CYP4X1: variants seen among roughly 807,000 people sequenced by gnomAD.
CYP4X1 encodes the protein cytochrome P450 family 4 subfamily X member 1.
Under a neutral mutation model 57.9 loss-of-function variants are expected in CYP4X1, and 44 were observed. The observed-to-expected ratio is 0.76, with a 90% confidence interval of 0.60 to 0.98. The LOEUF is 0.98. Among genes scored for constraint, CYP4X1 ranks in the 50% least tolerant of loss-of-function variants. CYP4X1 has a pLI of 0.00. For synonymous variants in CYP4X1, 227 were observed against 228.6 expected, an observed-to-expected ratio of 0.99 and a Z score of 0.06; for missense variants, 532 against 623.9, an observed-to-expected ratio of 0.85 and a Z score of 1.57.
chr1:47,016,400 G>A, the CYP4X1 span, among the ~76,000 whole-genome samples: 1 of 150,342 alleles, frequency 6.7e-6, no homozygotes, highest in South Asian at 2.1e-4. Context: ...GCAGTGCAGT[G>A]GCGCTATCTT....
At chr1:46,967,829 C>G in the CYP4X1 span, 33 of 1,297,976 alleles carry the variant, frequency 2.5e-5, no homozygotes, top group Non-Finnish European at 3.0e-5. Context: ...GCCATGGCCA[C>G]CTTTAGCTCA....
the CYP4X1 span, among the ~76,000 whole-genome samples, chr1:46,988,928 T>C: frequency 1.6e-4 from 25 of 152,110 alleles, 1 homozygote; most frequent in South Asian, 5.0e-3. Flanking sequence ...TTATGACAAA[T>C]CCACGCCAAT....
the CYP4X1 span, among the ~76,000 whole-genome samples, chr1:46,991,021 A>T: frequency 2.0e-5 from 3 of 151,630 alleles, no homozygotes; most frequent in African/African-American, 7.3e-5. Context: ...CACGTTCTGC[A>T]CATGTATCCC....
At chr1:47,014,908 T>C in the CYP4X1 span, among the ~76,000 whole-genome samples, 3 of 152,208 alleles carry the variant, frequency 2.0e-5, no homozygotes, top group Admixed American at 2.0e-4. Flanking sequence ...ACAGGTCGTA[T>C]AGCCCACAGG....
chr1:46,974,347 CGTAG>C, the CYP4X1 span, among the ~76,000 whole-genome samples: 1 of 151,790 alleles, frequency 6.6e-6, no homozygotes, highest in Non-Finnish European at 1.5e-5. Context: ...TATGACCAAG[CGTAG>C]GGTCCATTTT....
At chr1:47,007,233 C>A in the CYP4X1 span, among the ~76,000 whole-genome samples, 3 of 152,178 alleles carry the variant, frequency 2.0e-5, no homozygotes, top group Non-Finnish European at 4.4e-5. Flanking sequence ...ACAAAATTTC[C>A]AGGCAAACGA....
chr1:46,961,755 T>C, the CYP4X1 span: 1 of 1,312,384 alleles, frequency 7.6e-7, no homozygotes, highest in South Asian at 1.2e-5. Flanking sequence ...TCCAGTGGAT[T>C]GGTGAGTAAG....
chr1:47,017,848 TA>T, the CYP4X1 span, among the ~76,000 whole-genome samples: 1 of 152,170 alleles, frequency 6.6e-6, no homozygotes, highest in Non-Finnish European at 1.5e-5. Context: ...CATGTCTCAC[TA>T]AAATGTATAA....
downstream of CYP4X1, among the ~76,000 whole-genome samples, chr1:47,053,884 T>C (rs1406592273): frequency 6.6e-6 from 1 of 152,214 alleles, no homozygotes; most frequent in African/African-American, 2.4e-5. Context: ...TTCAGTGTGA[T>C]GGTAGTTTGT....
chr1:47,024,002 G>T lies in CYP4X1; in HGVS notation c.177+8G>T. 1.2e-6 allele frequency: 2 copies of T among 1,607,300 alleles called. No homozygotes were observed. Among genetic ancestry groups the T allele is most frequent in the Non-Finnish European group, 1.7e-6 (2 of 1,176,366 alleles). ...TTCCTTGGGCACCAGAAGGTAGATG[G>T]GAGGGAGGAGGGAGGAAGGAGGAGG... On this transcript the variant is annotated splice_region_variant and intron_variant, in intron 1 of 11. Coordinates refer to ENST00000371901, the MANE Select transcript of CYP4X1 (RefSeq NM_178033.2).
chr1:47,052,672 T>C (rs1303675618), downstream of CYP4X1, among the ~76,000 whole-genome samples: 6 of 152,208 alleles, frequency 3.9e-5, no homozygotes, highest in Non-Finnish European at 7.3e-5. Flanking sequence ...TTCAATCAGA[T>C]TATCTCACTG....
chr1:47,033,359 A>G lies in CYP4X1; in HGVS notation c.483A>G (p.Lys161=), dbSNP rs774449172. 1 of 1,613,740 alleles carries G rather than the reference A, an allele frequency of 6.2e-7. No individual in the cohort carries two copies. Among genetic ancestry groups the G allele is most frequent in the South Asian group, 1.1e-5 (1 of 91,046 alleles). The change falls in exon 4 of 12, where the codon AAA becomes AAG. Residue 161 remains lysine, a synonymous_variant. Transcript: ENST00000371901. ...TTGAGGTGATGGCTCATTCTGTGAA[A>G]ATGATGCTGGTAAGTAAAGGGGGAA... is the stretch of plus-strand genomic sequence containing the variant. The part of the protein sequence containing the change: ...AYIEVMAHSV[K]MMLDKWEKIC...
downstream of CYP4X1, among the ~76,000 whole-genome samples, chr1:47,051,779 A>G (rs1401651632): frequency 6.6e-6 from 1 of 152,204 alleles, no homozygotes; most frequent in Non-Finnish European, 1.5e-5. Flanking sequence ...TGGTATACCA[A>G]TATCCACCCA....
the CYP4X1 span, among the ~76,000 whole-genome samples, chr1:46,968,325 T>C: frequency 6.6e-6 from 1 of 152,146 alleles, no homozygotes; most frequent in Non-Finnish European, 1.5e-5. Flanking sequence ...GCGTCCCTGC[T>C]TCCCCTTTCT....
chr1:47,006,889 C>T, the CYP4X1 span, among the ~76,000 whole-genome samples: 2 of 152,168 alleles, frequency 1.3e-5, no homozygotes, highest in Non-Finnish European at 2.9e-5. Flanking sequence ...GGGAGGGCAC[C>T]CAAAACTGCC....
the CYP4X1 span, among the ~76,000 whole-genome samples, chr1:46,977,943 C>G: frequency 2.3e-4 from 35 of 151,990 alleles, no homozygotes; most frequent in Non-Finnish European, 1.3e-4. Flanking sequence ...TTTGTCACCA[C>G]CAGGACTGCC....
chr1:47,033,557 A>G (rs1644147020), intron 4 of CYP4X1, among the ~76,000 whole-genome samples, 189 bp downstream of exon 4: 3 of 152,204 alleles, frequency 2.0e-5, no homozygotes, highest in African/African-American at 7.2e-5. Flanking sequence ...AATATTAATA[A>G]AAAGATCTGG....
chr1:47,044,931 T>G (rs567332691), intron 8 of CYP4X1, among the ~76,000 whole-genome samples: 1 of 152,212 alleles, frequency 6.6e-6, no homozygotes, highest in Non-Finnish European at 1.5e-5. Context: ...TTCAAGCGAT[T>G]CTTCTGCCTC....
At chr1:46,984,257 G>A in the CYP4X1 span, among the ~76,000 whole-genome samples, 12 of 151,948 alleles carry the variant, frequency 7.9e-5, no homozygotes, top group Non-Finnish European at 1.6e-4. Flanking sequence ...TCCCCAGTGA[G>A]CAGTTGTCTT....
Sources: allele counts gnomAD v4.1 joint callset (sites outside exome capture counted in the v4.1 genomes callset), GRCh38; gene constraint gnomAD v4.1.1; transcripts MANE v1.5; gene names NCBI Gene and HGNC (gene_info 2026-07-23, HGNC 2026-07-21).